Variants in IQCE observed in about 807,000 individuals in gnomAD.
IQCE encodes IQ motif containing E.
Under a neutral mutation model 96.0 loss-of-function variants are expected in IQCE, and 115 were observed. That is an observed-to-expected ratio of 1.20 (90% CI 1.03 to 1.40). The LOEUF is 1.40. Ranked by LOEUF, IQCE falls within the 40% of genes most tolerant of loss-of-function variation. The probability of loss-of-function intolerance (pLI) is 0.00; values close to 1 mark genes in which losing one functional copy is unlikely to be tolerated. For missense variants in IQCE, 1,041 were observed against 909.1 expected (o/e 1.15, Z -1.87); for synonymous variants, 412 against 371.2 (o/e 1.11, Z -1.26).
rs747107537 is a variant in IQCE at position 2,578,345 on chromosome 7, A to G, written c.569A>G (p.Asp190Gly). ...GACCGGCAGATAGAGCAGCTCCTGG[A>G]TCCCAGCCGCGTAAGCTCCTGGCGC... is the stretch of plus-strand genomic sequence containing the variant. ...RKDRQIEQLL[D>G]PSRGTDFVRT... is the part of the protein sequence containing the mutation. Residue 190 changes from aspartate to glycine, a missense_variant, in exon 7 of 22, where the codon GAT becomes GGT. Physicochemically the swap from Asp to Gly is moderately conservative, Grantham distance 94. Transcript: ENST00000402050. 29 of 1,613,914 alleles carry G rather than the reference A, an allele frequency of 1.8e-5. No homozygotes were observed. Among genetic ancestry groups the G allele is most frequent in the Non-Finnish European group, 2.2e-5 (26 of 1,179,912 alleles).
chr7:2,582,582 C>A lies in IQCE; in HGVS notation c.633C>A (p.Val211=). The change falls in exon 9 of 22, where the codon GTC becomes GTA. Residue 211 remains valine (V), a splice_region_variant and synonymous_variant. Coordinates refer to ENST00000402050, the MANE Select transcript of IQCE (RefSeq NM_152558.5). The part of the protein sequence containing the change: ...LAEKRPDASW[V]INGLKQRILK... Reference sequence around the variant, plus strand: ...TGATGGGCACGTTCCCCGGGCAGGTCATTAACGGGCTGAAGCAGAGGATCC... The same window carrying A: ...TGATGGGCACGTTCCCCGGGCAGGTAATTAACGGGCTGAAGCAGAGGATCC... 6.2e-7 allele frequency: 1 copy of A among 1,613,926 alleles called. No homozygotes were observed. Among genetic ancestry groups the A allele is most frequent in the South Asian group, 1.1e-5 (1 of 91,042 alleles).
intron 14 of IQCE, among the ~76,000 whole-genome samples, chr7:2,591,207 C>A (rs1454938732): frequency 6.6e-6 from 1 of 151,828 alleles, no homozygotes; most frequent in Non-Finnish European, 1.5e-5. Context: ...GAGCTATAAT[C>A]GTACCACTGC....
chr7:2,569,114 G>A, intron 3 of IQCE, 115 bp downstream of exon 3: 1 of 981,660 alleles, frequency 1.0e-6, no homozygotes, highest in Non-Finnish European at 1.6e-6. Flanking sequence ...GCCTCAGCCA[G>A]TTGGCCCCAT....
chr7:2,608,276 C>T (rs1031144792), intron 21 of IQCE, among the ~76,000 whole-genome samples: 4 of 152,188 alleles, frequency 2.6e-5, no homozygotes, highest in African/African-American at 9.7e-5. Context: ...CGCGGAGTCA[C>T]GGAGTTGGGA....
At chr7:2,582,290 C>A (rs1470357037) in intron 8 of IQCE, among the ~76,000 whole-genome samples, 2 of 152,192 alleles carry the variant, frequency 1.3e-5, no homozygotes, top group African/African-American at 4.8e-5. Context: ...CTCTGTCCCC[C>A]AGGTGTGCAG....
chr7:2,587,250 T>C (rs543114697), intron 12 of IQCE, among the ~76,000 whole-genome samples: 1 of 145,772 alleles, frequency 6.9e-6, no homozygotes, highest in Admixed American at 6.8e-5. Flanking sequence ...GAGGTCTGAG[T>C]GTGTGGGAGT....
intron 3 of IQCE, among the ~76,000 whole-genome samples, chr7:2,570,621 A>G (rs1160014061): frequency 6.6e-6 from 1 of 152,174 alleles, no homozygotes; most frequent in African/African-American, 2.4e-5. Context: ...TTAAATTTTC[A>G]GACCCTACTG....
At position 2,572,115 on chromosome 7, in the gene IQCE, G is replaced by C. The variant is rs1474481230; in HGVS notation, c.260-77G>C. ...AGTGATTCAGCTTTCTTCAATCCAG[G>C]AAAGTTGATTAGAAACAAAACCTCC... On this transcript the variant is annotated intron_variant, in intron 4 of 21. Transcript: ENST00000402050. 7 of 1,480,136 alleles carry C rather than the reference G, an allele frequency of 4.7e-6. No homozygotes were observed. The South Asian group carries it at 7.8e-5, about 16-fold the overall frequency. 91.7% of individuals were successfully genotyped at this position (1,480,136 alleles called of 1,614,324 possible). A position where few individuals can be genotyped will look rare whatever the true frequency, so the allele number is the denominator to read the frequency against.
chr7:2,583,242 C>T (rs970254181), intron 9 of IQCE, among the ~76,000 whole-genome samples: 4 of 152,188 alleles, frequency 2.6e-5, no homozygotes, highest in African/African-American at 7.2e-5. Flanking sequence ...CTGACAGTGC[C>T]AGGGAAAAGT....
In IQCE at chr7:2,601,439, A is replaced by T; in HGVS notation, c.1609-2A>T. On this transcript the variant is annotated splice_acceptor_variant, in intron 17 of 21. Transcript: ENST00000402050. LOFTEE classifies it high-confidence loss of function. ...ATTTTTTCTTTCTTTTTTTTTTTCC[A>T]GAAAAAAAAGGCTGTTCTGGATGAG... The T allele has an allele frequency of 6.5e-7, 1 of 1,532,328 alleles. No homozygotes were observed. The highest frequency in any genetic ancestry group is 8.9e-7 in the Non-Finnish European group (1 of 1,121,572). The allele number at this position is 1,532,328 out of a possible 1,614,324, so 94.9% of individuals were successfully genotyped here.
intron 11 of IQCE, among the ~76,000 whole-genome samples, chr7:2,585,805 A>G (rs780385090): frequency 6.6e-6 from 1 of 152,192 alleles, no homozygotes; most frequent in Non-Finnish European, 1.5e-5. Flanking sequence ...CAGCAAGCAC[A>G]TTTGCAATTA....
intron 8 of IQCE, 61 bp downstream of exon 8, chr7:2,578,587 C>A: frequency 6.4e-7 from 1 of 1,568,296 alleles, no homozygotes; most frequent in Non-Finnish European, 8.8e-7. Context: ...GGGACAGCCA[C>A]AGAGGGACGC....
intron 16 of IQCE, among the ~76,000 whole-genome samples, chr7:2,596,675 G>C (rs1784065332): frequency 6.6e-6 from 1 of 152,206 alleles, no homozygotes; most frequent in African/African-American, 2.4e-5. Flanking sequence ...TTTTTTAGCT[G>C]TCTGTAGTTG....
At chr7:2,561,620 A>G (rs1478327874) in intron 1 of IQCE, among the ~76,000 whole-genome samples, 1 of 151,518 alleles carries the variant, frequency 6.6e-6, no homozygotes, top group African/African-American at 2.4e-5. Flanking sequence ...ACGGGGTTTC[A>G]CCTTGTTAGC....
intron 5 of IQCE, 139 bp from the exon 6 acceptor site, chr7:2,573,279 A>G (rs545393242): frequency 2.9e-5 from 17 of 590,678 alleles, no homozygotes; most frequent in Non-Finnish European, 4.2e-5. Context: ...GCTGGAAAAC[A>G]TGGAATTATT....
At chr7:2,582,859 A>G (rs956795347) in intron 9 of IQCE, among the ~76,000 whole-genome samples, 2 of 152,116 alleles carry the variant, frequency 1.3e-5, no homozygotes. Flanking sequence ...TATTTAAAAG[A>G]TGCTTTCTCG....
In IQCE at chr7:2,577,898, T is replaced by G. The variant is rs868687083; in HGVS notation, c.466-344T>G. The stretch of plus-strand genomic sequence containing the variant: ...ACGTGTGTGCGGCGTGCCCGCAGTG[T>G]CGTGTGCGTGGCTGTGCGCGCGGGG... On this transcript the variant is annotated intron_variant, in intron 6 of 21. Coordinates refer to ENST00000402050, the MANE Select transcript of IQCE (RefSeq NM_152558.5). Among the ~76,000 whole-genome samples, 179 of 22,332 alleles carry G rather than the reference T, an allele frequency of 8.0e-3. 8 individuals are homozygous for G. Among genetic ancestry groups the G allele is most frequent in the Admixed American group, 0.013 (23 of 1,754 alleles). The allele number at this position is 22,332 out of a possible 152,430, so 14.7% of individuals were successfully genotyped here. A position where few individuals can be genotyped will look rare whatever the true frequency, so the allele number is the denominator to read the frequency against.
intron 16 of IQCE, among the ~76,000 whole-genome samples, chr7:2,596,270 GAAAA>G (rs1218684764): frequency 6.7e-6 from 1 of 148,628 alleles, no homozygotes; most frequent in Non-Finnish European, 1.5e-5. Flanking sequence ...ACTAAAAAAA[GAAAA>G]GAAAGAGAGA....
At chr7:2,585,919 C>T (rs1031355246) in intron 11 of IQCE, among the ~76,000 whole-genome samples, 7 of 152,204 alleles carry the variant, frequency 4.6e-5, no homozygotes, top group East Asian at 1.9e-4. Flanking sequence ...GATGCCTTTC[C>T]ACAGCCCTTC....
Sources: allele counts gnomAD v4.1 joint callset (sites outside exome capture counted in the v4.1 genomes callset), GRCh38; gene constraint gnomAD v4.1.1; transcripts MANE v1.5; gene names NCBI Gene and HGNC (gene_info 2026-07-23, HGNC 2026-07-21).